Variants in TTN observed in about 807,000 individuals in gnomAD.
The protein encoded by TTN is connectin.
In TTN, 1,525 loss-of-function variants were observed where a neutral mutation model predicts 3,223.0. The observed-to-expected ratio is 0.47, with a 90% CI of 0.45 to 0.49. The LOEUF (loss-of-function observed/expected upper bound fraction) is 0.49, where lower values mean the gene tolerates loss of function less well. Among genes scored for constraint, TTN ranks in the 20% least tolerant of loss-of-function variants. The pLI, the probability that TTN is intolerant of heterozygous loss-of-function variation, is 0.00. For synonymous variants in TTN, 14,094 were observed against 15,161.0 expected, an observed-to-expected ratio of 0.93 and a Z score of 5.17; for missense variants, 40,786 against 43,424.0, an observed-to-expected ratio of 0.94 and a Z score of 5.40.
At chr2:178,775,231 G>A in intron 28 of TTN, 29 bp from the exon 29 acceptor site, 1 of 1,613,362 alleles carries the variant, frequency 6.2e-7, no homozygotes, top group Middle Eastern at 1.7e-4. Context: ...GGAAAAAGGG[G>A]AGAGCACATT....
Position 178,736,011 on chromosome 2 carries a change from G to A in TTN, c.14435C>T (p.Ala4812Val). Residue 4812 changes from alanine to valine, a missense_variant, in exon 50 of 363, where the codon GCC becomes GTC. Physicochemically the swap from Ala to Val is moderately conservative, Grantham distance 64. Transcript: ENST00000589042. ...CCCTGTCACTGTGCAGATGAACTTG[G>A]CTGCCTTACCCACAAAAGTTGTAAG... Reference protein sequence around the residue: ...KSLTTFVGKAAKFICTVTGTP... With the variant: ...KSLTTFVGKAVKFICTVTGTP... The A allele has an allele frequency of 6.2e-7, 1 of 1,612,856 alleles. No homozygotes were observed.
Position 178,783,077 on chromosome 2 carries a change from G to A in TTN, c.2842-13C>T, listed in dbSNP as rs1202062084. On this transcript the variant is annotated splice_polypyrimidine_tract_variant and intron_variant, in intron 17 of 362. Coordinates refer to ENST00000589042, the MANE Select transcript of TTN (RefSeq NM_001267550.2). ...CATTTTTTAAGCCCTGAAGAGAGGA[G>A]AAAAAATAAATAATGATACGTGTGC... 6.2e-7 allele frequency: 1 copy of A among 1,613,440 alleles called. No individual in the cohort carries two copies. The highest frequency in any genetic ancestry group is 8.5e-7 in the Non-Finnish European group (1 of 1,179,518).
chr2:178,556,925 A>G lies in TTN; in HGVS notation c.88229T>C (p.Val29410Ala). Residue 29410 changes from valine to alanine, a missense_variant, in exon 330 of 363, where the codon GTC becomes GCC. Val to Ala is a moderately conservative substitution (Grantham distance 64). Transcript: ENST00000589042. ...GGAACCAACAGCATTCCTAGCAAAG[A>G]CACGGAATTCATACTGGGAATTCTG... ...LTQNSQYEFR[V>A]FARNAVGSIS... 1 of 1,613,860 alleles carries G rather than the reference A, an allele frequency of 6.2e-7. No individual in the cohort carries two copies. Among genetic ancestry groups the G allele is most frequent in the African/African-American group, 1.3e-5 (1 of 75,058 alleles).
At chr2:178,682,600 G>T (rs941401984) in intron 135 of TTN, 97 bp downstream of exon 135, 11 of 1,187,976 alleles carry the variant, frequency 9.3e-6, no homozygotes, top group Non-Finnish European at 1.3e-5. Context: ...ATTTCTTTGG[G>T]TATCCAAATT....
chr2:178,681,047 A>G, intron 138 of TTN, 32 bp downstream of exon 138: 6 of 1,537,538 alleles, frequency 3.9e-6, no homozygotes, highest in Non-Finnish European at 5.3e-6. Flanking sequence ...GGCATCAGAA[A>G]AGATCACAAT....
Position 178,620,555 on chromosome 2 carries a change from C to G in TTN, c.45966G>C (p.Trp15322Cys). 6.2e-7 allele frequency: 1 copy of G among 1,611,850 alleles called. No homozygotes were observed. Among genetic ancestry groups the G allele is most frequent in the Non-Finnish European group, 8.5e-7 (1 of 1,178,848 alleles). The change falls in exon 248 of 363, where the codon TGG (tryptophan) becomes TGC (cysteine). Residue 15322 changes from tryptophan (W) to cysteine (C), a missense_variant. Physicochemically the swap from Trp to Cys is radical, Grantham distance 215. Coordinates refer to ENST00000589042, the MANE Select transcript of TTN (RefSeq NM_001267550.2). Reference sequence around the variant, plus strand: ...TTACATTGAGACGATTCACCTTGCACCAGAATGTGACAGATTTCTTCTCCA... The same window carrying G: ...TTACATTGAGACGATTCACCTTGCAGCAGAATGTGACAGATTTCTTCTCCA... ...ETMEKKSVTF[W>C]CKVNRLNVTL... is the part of the protein sequence containing the mutation.
chr2:178,683,325 A>G (rs967227899), intron 133 of TTN, 34 bp from the exon 134 acceptor site: 29 of 1,340,986 alleles, frequency 2.2e-5, no homozygotes, highest in Non-Finnish European at 2.8e-5. Flanking sequence ...GTGAATTGCA[A>G]GATTCTGAAA....
intron 151 of TTN, 111 bp downstream of exon 151, chr2:178,674,203 T>C: frequency 5.9e-6 from 4 of 682,042 alleles, no homozygotes; most frequent in Non-Finnish European, 1.0e-5. Context: ...ATCTTCACTT[T>C]ATCATGGATA....
At chr2:178,797,485 A>C (rs1028347594) in intron 6 of TTN, among the ~76,000 whole-genome samples, 2 of 151,448 alleles carry the variant, frequency 1.3e-5, no homozygotes, top group Non-Finnish European at 2.9e-5. Flanking sequence ...TTTGTGGATG[A>C]TTTTTAATGC....
chr2:178,634,248 C>G lies in TTN; in HGVS notation c.42415+118G>C. On this transcript the variant is annotated intron_variant, in intron 230 of 362. Coordinates refer to ENST00000589042, the MANE Select transcript of TTN (RefSeq NM_001267550.2). The surrounding 1 kb of genome is among the most constrained non-coding windows in gnomAD (Gnocchi z 4.6). Reference sequence around the variant, plus strand: ...AAATTAAGGGGGGTTGTTTTGGTAACACTGTGAAAGTTAATTAGTGATGCA... The same window carrying G: ...AAATTAAGGGGGGTTGTTTTGGTAAGACTGTGAAAGTTAATTAGTGATGCA... 1 of 1,487,982 alleles carries G rather than the reference C, an allele frequency of 6.7e-7. No homozygotes were observed. The highest frequency in any genetic ancestry group is 1.3e-5 in the South Asian group (1 of 75,646). 92.2% of individuals were successfully genotyped at this position (1,487,982 alleles called of 1,614,324 possible).
intron 52 of TTN, 116 bp from the exon 53 acceptor site, chr2:178,734,008 T>C: frequency 9.9e-7 from 1 of 1,006,740 alleles, no homozygotes; most frequent in Non-Finnish European, 1.4e-6. Context: ...TACTATTTCA[T>C]AGTGTTAATT....
intron 329 of TTN, 25 bp from the exon 330 acceptor site, chr2:178,557,169 A>G: frequency 3.1e-6 from 5 of 1,612,710 alleles, no homozygotes; most frequent in Non-Finnish European, 4.2e-6. Context: ...GAAGCAGATT[A>G]GCGGCACTTA....
In TTN at chr2:178,579,237, C is replaced by G; in HGVS notation, c.67793G>C (p.Ser22598Thr). 1 of 1,613,492 alleles carries G rather than the reference C, an allele frequency of 6.2e-7. No individual in the cohort carries two copies. The highest frequency in any genetic ancestry group is 8.5e-7 in the Non-Finnish European group (1 of 1,179,558). ...EDPLATDTRV[S>T]VESSAVNTTL... ...TGTGTTAACCGCAGATGACTCAACA[C>G]TGACTCTAGTGTCAGTTGCTAGAGG... Residue 22598 changes from serine (S) to threonine (T), a missense_variant, in exon 320 of 363, where the codon AGT (serine) becomes ACT (threonine). Physicochemically the swap from Ser to Thr is moderately conservative, Grantham distance 58. Transcript: ENST00000589042.
Position 178,574,294 on chromosome 2 carries a change from A to G in TTN, c.71838T>C (p.Ala23946=). The change falls in exon 326 of 363, where the codon GCT becomes GCC. Residue 23946 remains alanine (A), a synonymous_variant. Coordinates refer to ENST00000589042, the MANE Select transcript of TTN (RefSeq NM_001267550.2). ...TAAAGCCCCCAGTATATTCAGGCTT[A>G]GCCCATTTAAGTGTTACTGTGTGTC... ...ITRHTVTLKW[A]KPEYTGGFKI... is the part of the protein sequence containing the mutation. The G allele has an allele frequency of 6.2e-7, 1 of 1,613,466 alleles. No individual in the cohort carries two copies. Among genetic ancestry groups the G allele is most frequent in the Non-Finnish European group, 8.5e-7 (1 of 1,179,628 alleles).
Position 178,579,314 on chromosome 2 carries a change from G to A in TTN, c.67716C>T (p.Ile22572=), listed in dbSNP as rs754283751. Residue 22572 remains isoleucine (I), a synonymous_variant, in exon 320 of 363, where the codon ATC becomes ATT. Coordinates refer to ENST00000589042, the MANE Select transcript of TTN (RefSeq NM_001267550.2). The part of the protein sequence containing the change: ...AKENSNFRLK[I]PIKGKPAPSV... ...ATGGAGCTGGCTTGCCTTTTATGGG[G>A]ATCTTAAGCCGGAAGTTGCTGTTTT... 2.5e-6 allele frequency: 4 copies of A among 1,610,030 alleles called. No homozygotes were observed. Among genetic ancestry groups the A allele is most frequent in the Non-Finnish European group, 3.4e-6 (4 of 1,177,582 alleles).
chr2:178,564,319 A>G lies in TTN; in HGVS notation c.81813T>C (p.Asp27271=). 6.2e-7 allele frequency: 1 copy of G among 1,613,710 alleles called. No individual in the cohort carries two copies. The highest frequency in any genetic ancestry group is 1.7e-4 in the Middle Eastern group (1 of 6,060). Residue 27271 remains aspartate (D), a synonymous_variant, in exon 326 of 363, where the codon GAT becomes GAC. Coordinates refer to ENST00000589042, the MANE Select transcript of TTN (RefSeq NM_001267550.2). ...TTGGATCCAGAGAGGCATTTGGTGCATCAATTTCATCTCTTGCAGTAATGG... is the reference window on the plus strand; with the variant it reads ...TTGGATCCAGAGAGGCATTTGGTGCGTCAATTTCATCTCTTGCAGTAATGG... ...SGAITARDEI[D]APNASLDPKY...
chr2:178,633,359 A>C (rs2060040856), intron 232 of TTN, 33 bp from the exon 233 acceptor site: 1 of 1,612,906 alleles, frequency 6.2e-7, no homozygotes, highest in Admixed American at 1.7e-5. Flanking sequence ...GCATGACTGA[A>C]CTAATAAACT....
Position 178,579,724 on chromosome 2 carries a change from C to A in TTN, c.67473G>T (p.Leu22491=). ...CTCGTTGCCACTTATTTTCTTCAGT[C>A]AGGAAATCAACTACATATCCAATAA... ...SRIIGYVVDF[L]TEENKWQRVM... Residue 22491 remains leucine (L), a synonymous_variant, in exon 319 of 363, where the codon CTG becomes CTT. Transcript: ENST00000589042. 6.2e-7 allele frequency: 1 copy of A among 1,613,254 alleles called. No individual in the cohort carries two copies. Among genetic ancestry groups the A allele is most frequent in the Non-Finnish European group, 8.5e-7 (1 of 1,179,498 alleles).
At chr2:178,643,412 G>A (rs937153370) in intron 218 of TTN, among the ~76,000 whole-genome samples, 3 of 151,534 alleles carry the variant, frequency 2.0e-5, no homozygotes, top group Non-Finnish European at 2.9e-5. Flanking sequence ...TAAACATTAC[G>A]TATTTTATCC....
Sources: allele counts gnomAD v4.1 joint callset (sites outside exome capture counted in the v4.1 genomes callset), GRCh38; gene constraint gnomAD v4.1.1; non-coding constraint Gnocchi (gnomAD v3.1); transcripts MANE v1.5; gene names NCBI Gene and HGNC (gene_info 2026-07-23, HGNC 2026-07-21).